The following TRIM24 variants were observed in gnomAD, a reference collection of about 807,000 sequenced individuals.
The protein encoded by TRIM24 is tripartite motif containing 24, also known as transcription intermediary factor 1-alpha.
A neutral mutation model predicts 123.9 loss-of-function variants in TRIM24; 29 were observed. That is an observed-to-expected ratio of 0.23 (90% CI 0.17 to 0.32). TRIM24 has a LOEUF of 0.32. Ranked by LOEUF, TRIM24 falls within the 10% of genes least tolerant of loss-of-function variation. TRIM24 has a pLI of 1.00. For missense variants in TRIM24, 932 were observed against 1,295.3 expected, an observed-to-expected ratio of 0.72 and a Z score of 4.31; for synonymous variants, 456 against 461.1, an observed-to-expected ratio of 0.99 and a Z score of 0.14.
At chr7:138,503,930 TC>T (rs1796094903) in intron 1 of TRIM24, among the ~76,000 whole-genome samples, 1 of 152,208 alleles carries the variant, frequency 6.6e-6, no homozygotes, top group African/African-American at 2.4e-5. Context: ...ATTTTGCAGA[TC>T]TAGAGAAAAC....
intron 1 of TRIM24, among the ~76,000 whole-genome samples, chr7:138,463,071 G>C (rs1488536780): frequency 2.9e-5 from 1 of 34,156 alleles, no homozygotes; most frequent in African/African-American, 1.0e-4. Context: ...TTTTTTTTTG[G>C]TAGAGGCGGG....
intron 1 of TRIM24, among the ~76,000 whole-genome samples, chr7:138,478,984 C>G (rs572790281): frequency 6.6e-6 from 1 of 152,276 alleles, no homozygotes; most frequent in East Asian, 1.9e-4. Flanking sequence ...AAGGCTCCAT[C>G]CTTGACTTTT....
At chr7:138,520,686 A>G (rs996179522) in intron 4 of TRIM24, among the ~76,000 whole-genome samples, 1 of 152,192 alleles carries the variant, frequency 6.6e-6, no homozygotes, top group African/African-American at 2.4e-5. Flanking sequence ...CTGTCTTTAA[A>G]AAAGAAAGAA....
At chr7:138,531,918 T>G (rs1479325774) in intron 6 of TRIM24, among the ~76,000 whole-genome samples, 2 of 152,132 alleles carry the variant, frequency 1.3e-5, no homozygotes, top group African/African-American at 4.8e-5. Context: ...TTCTAACTGG[T>G]GTGAGCTGGT....
chr7:138,504,448 T>TC, intron 2 of TRIM24, 40 bp downstream of exon 2: 1 of 97,024 alleles, frequency 1.0e-5, no homozygotes, highest in Non-Finnish European at 1.9e-5. Flanking sequence ...CTGCCAGCTC[T>TC]TTTTTTTTTT....
intron 1 of TRIM24, among the ~76,000 whole-genome samples, chr7:138,493,842 A>G (rs942360264): frequency 6.6e-6 from 1 of 152,298 alleles, no homozygotes. Context: ...AGTCACCTTG[A>G]TAATACCAAT....
intron 1 of TRIM24, among the ~76,000 whole-genome samples, chr7:138,479,911 C>T (rs952114972): frequency 3.9e-5 from 6 of 151,950 alleles, no homozygotes; most frequent in Admixed American, 6.6e-5. Context: ...CTTCTGCCCC[C>T]GGGTTCAAGC....
chr7:138,523,016 A>G (rs1291111897), intron 4 of TRIM24, among the ~76,000 whole-genome samples: 1 of 152,226 alleles, frequency 6.6e-6, no homozygotes, highest in African/African-American at 2.4e-5. Flanking sequence ...GATAAAGTCA[A>G]TTCACTAAAC....
intron 7 of TRIM24, among the ~76,000 whole-genome samples, chr7:138,544,195 T>TA (rs1797057507): frequency 6.6e-6 from 1 of 152,210 alleles, no homozygotes; most frequent in South Asian, 2.1e-4. Flanking sequence ...CCTACCCACC[T>TA]AGCCCCTAGT....
At chr7:138,563,873 T>A (rs1479489503) in intron 9 of TRIM24, among the ~76,000 whole-genome samples, 1 of 152,212 alleles carries the variant, frequency 6.6e-6, no homozygotes, top group Non-Finnish European at 1.5e-5. Flanking sequence ...GTACTGTAAT[T>A]GGACTGCATG....
intron 2 of TRIM24, among the ~76,000 whole-genome samples, chr7:138,508,698 C>CGCGCGT (rs1329971426): frequency 9.9e-5 from 3 of 30,412 alleles, no homozygotes; most frequent in Non-Finnish European, 2.7e-4. Flanking sequence ...TGTGTGCGCG[C>CGCGCGT]GCGTGTGTGC....
chr7:138,510,654 T>C (rs765077935), intron 2 of TRIM24, among the ~76,000 whole-genome samples: 1 of 152,262 alleles, frequency 6.6e-6, no homozygotes, highest in African/African-American at 2.4e-5. Flanking sequence ...ACTCCTGAGC[T>C]CAGGCATACC....
chr7:138,525,473 C>A, intron 5 of TRIM24, 116 bp downstream of exon 5: 1 of 461,194 alleles, frequency 2.2e-6, no homozygotes, highest in Non-Finnish European at 3.8e-6. Context: ...TGCAATAACA[C>A]ATGACTGATA....
intron 2 of TRIM24, among the ~76,000 whole-genome samples, chr7:138,505,564 T>A (rs1584705920): frequency 6.8e-6 from 1 of 148,132 alleles, no homozygotes; most frequent in Non-Finnish European, 1.5e-5. Context: ...TGAGACAGGG[T>A]CTCACTCTGT....
At chr7:138,497,814 C>G (rs1406967949) in intron 1 of TRIM24, among the ~76,000 whole-genome samples, 1 of 144,894 alleles carries the variant, frequency 6.9e-6, no homozygotes, top group Non-Finnish European at 1.5e-5. Context: ...CCTCAGCCTC[C>G]CAAGTAGCTG....
chr7:138,567,547 C>T lies in TRIM24; in HGVS notation c.1597C>T (p.Pro533Ser). Residue 533 changes from proline (P) to serine (S), a missense_variant, in exon 10 of 19, where the codon CCT (proline) becomes TCT (serine). By Grantham distance (74) the Pro-to-Ser change is moderately conservative. Around this residue, in one of 7 missense-constraint regions of TRIM24, gnomAD observed 527 missense variants for 691.3 expected, o/e 0.76. Coordinates refer to ENST00000343526, the MANE Select transcript of TRIM24 (RefSeq NM_015905.3). The stretch of plus-strand genomic sequence containing the variant: ...CAAACCCAATGGACCAGTTCTTCCT[C>T]CTCATCCTCAACAACTGAGATATCC... Reference protein sequence around the residue: ...SPKPNGPVLPPHPQQLRYPPN... With the variant: ...SPKPNGPVLPSHPQQLRYPPN... The T allele has an allele frequency of 1.2e-6, 2 of 1,614,056 alleles. No individual in the cohort carries two copies. Among genetic ancestry groups the T allele is most frequent in the Non-Finnish European group, 1.7e-6 (2 of 1,179,978 alleles).
chr7:138,582,981 A>G (rs190659512), intron 17 of TRIM24, among the ~76,000 whole-genome samples: 5 of 152,344 alleles, frequency 3.3e-5, no homozygotes, highest in African/African-American at 1.2e-4. Flanking sequence ...ATCCTGGCTT[A>G]CAGTTACGTT....
chr7:138,576,527 C>T, intron 13 of TRIM24, 82 bp downstream of exon 13: 3 of 1,194,526 alleles, frequency 2.5e-6, no homozygotes, highest in Non-Finnish European at 2.4e-6. Flanking sequence ...TGTTTTGATA[C>T]TCAATATATT....
At chr7:138,527,870 AGGCCTAGAACAAAGACTG>A (rs1409083327) in intron 5 of TRIM24, among the ~76,000 whole-genome samples, 6 of 152,132 alleles carry the variant, frequency 3.9e-5, no homozygotes, top group Non-Finnish European at 5.9e-5. Context: ...TCCAAAGACC[AGGCCTAGAACAAAGACTG>A]GGCCTAGAAC....
Sources: allele counts gnomAD v4.1 joint callset (sites outside exome capture counted in the v4.1 genomes callset), GRCh38; gene constraint gnomAD v4.1.1; regional missense constraint gnomAD v4.1.1; transcripts MANE v1.5; gene names NCBI Gene and HGNC (gene_info 2026-07-23, HGNC 2026-07-21).